SIPA1L1: variants seen among roughly 807,000 people sequenced by gnomAD.
SIPA1L1 encodes the protein signal induced proliferation associated 1 like 1.
SIPA1L1 carries 26 observed loss-of-function variants against 162.7 expected under a neutral mutation model. The ratio of observed to expected loss-of-function variants is 0.16; its 90% CI spans 0.12 to 0.22. The LOEUF is 0.22. SIPA1L1 is among the 10% of genes least tolerant of loss of function. SIPA1L1 has a pLI of 1.00. For missense variants in SIPA1L1, 1,874 were observed against 2,241.0 expected (o/e 0.84, Z 3.31); for synonymous variants, 829 against 837.4 (o/e 0.99, Z 0.17).
intron 2 of SIPA1L1, among the ~76,000 whole-genome samples, chr14:71,344,528 G>A (rs1053454307): frequency 7.9e-5 from 12 of 152,162 alleles, no homozygotes; most frequent in Non-Finnish European, 1.0e-4. Flanking sequence ...CAACTTTTCA[G>A]GTTTTTAAAA....
chr14:71,730,121 A>G lies in SIPA1L1; in HGVS notation c.4681A>G (p.Arg1561Gly), dbSNP rs748798305. The G allele has an allele frequency of 6.2e-7, 1 of 1,614,184 alleles. No homozygotes were observed. The highest frequency in any genetic ancestry group is 1.7e-5 in the Admixed American group (1 of 60,024). Residue 1561 changes from arginine to glycine, a missense_variant, in exon 20 of 24, where the codon AGA (arginine) becomes GGA (glycine). This residue lies in a region of SIPA1L1 where 936 missense variants were observed against 1,051.9 expected (regional missense o/e 0.89). Transcript: ENST00000381232. ...CCCCACCTCACGGCGGGCCTTGCACAGAACACTGTCGGACGAGAGCATTTA... is the reference window on the plus strand; with the variant it reads ...CCCCACCTCACGGCGGGCCTTGCACGGAACACTGTCGGACGAGAGCATTTA... ...STPTSRRALH[R>G]TLSDESIYNS...
intron 2 of SIPA1L1, among the ~76,000 whole-genome samples, chr14:71,479,602 C>G (rs1402322206): frequency 6.6e-6 from 1 of 151,802 alleles, no homozygotes; most frequent in African/African-American, 2.4e-5. Flanking sequence ...GAGACAAGGT[C>G]TCACTATATT....
intron 2 of SIPA1L1, among the ~76,000 whole-genome samples, chr14:71,456,083 A>G (rs531657493): frequency 2.0e-5 from 3 of 152,350 alleles, no homozygotes; most frequent in Admixed American, 1.3e-4. Context: ...TTAATTGGCA[A>G]TTTGGTCTAA....
chr14:71,447,978 C>A (rs930885455), intron 2 of SIPA1L1, among the ~76,000 whole-genome samples: 2 of 152,090 alleles, frequency 1.3e-5, no homozygotes, highest in African/African-American at 4.8e-5. Flanking sequence ...GTTTGTTGAG[C>A]CCCTCTGGTC....
At chr14:71,646,338 G>A (rs557743669) in intron 7 of SIPA1L1, among the ~76,000 whole-genome samples, 28 of 152,068 alleles carry the variant, frequency 1.8e-4, no homozygotes, top group Admixed American at 1.0e-3. Context: ...CACCACGCCC[G>A]GCTAATTTTT....
intron 4 of SIPA1L1, among the ~76,000 whole-genome samples, chr14:71,532,418 T>C (rs1305139650): frequency 1.3e-5 from 2 of 152,226 alleles, no homozygotes. Context: ...TGTGTAAATA[T>C]GGAAAGTGGT....
chr14:71,388,847 A>T (rs1036055404), intron 2 of SIPA1L1, among the ~76,000 whole-genome samples: 1 of 152,182 alleles, frequency 6.6e-6, no homozygotes, highest in Non-Finnish European at 1.5e-5. Flanking sequence ...CCAGGATTCA[A>T]ATTTTTCATT....
At chr14:71,422,131 T>G (rs2043230786) in intron 2 of SIPA1L1, among the ~76,000 whole-genome samples, 1 of 152,210 alleles carries the variant, frequency 6.6e-6, no homozygotes, top group African/African-American at 2.4e-5. Flanking sequence ...GGGAAAGAGA[T>G]ATGTGTGTTG....
intron 12 of SIPA1L1, among the ~76,000 whole-genome samples, chr14:71,677,138 G>T (rs2045292368): frequency 6.6e-6 from 1 of 152,200 alleles, no homozygotes; most frequent in African/African-American, 2.4e-5. Flanking sequence ...AGCAGCTGTT[G>T]TTTCCTCATT....
chr14:71,396,317 G>A (rs978660638), intron 2 of SIPA1L1, among the ~76,000 whole-genome samples: 17 of 152,160 alleles, frequency 1.1e-4, no homozygotes, highest in African/African-American at 3.9e-4. Context: ...GTGGGGAAGA[G>A]GGGAGTGTCT....
In SIPA1L1 at chr14:71,734,484, T is replaced by A. The variant is rs529220736; in HGVS notation, c.5008+672T>A. 2.0e-5 allele frequency among the ~76,000 whole-genome samples: 3 copies of A among 152,378 alleles called. No homozygotes were observed. The South Asian group carries it at 6.2e-4, about 32-fold the overall frequency. ...TTAAAGATCTTTCTAAAATTTTTAT[T>A]ATTCTTTACAAACTTATAGCAGGTG... On this transcript the variant is annotated intron_variant, in intron 21 of 23. Coordinates refer to ENST00000381232, the MANE Select transcript of SIPA1L1 (RefSeq NM_001386936.1).
chr14:71,669,279 G>T (rs1032774769), intron 10 of SIPA1L1, among the ~76,000 whole-genome samples: 25 of 152,142 alleles, frequency 1.6e-4, no homozygotes, highest in African/African-American at 5.8e-4. Flanking sequence ...GTGTATGTTT[G>T]TCTAAAGTTC....
At chr14:71,389,917 A>G (rs147200735) in intron 2 of SIPA1L1, among the ~76,000 whole-genome samples, 5 of 152,318 alleles carry the variant, frequency 3.3e-5, no homozygotes, top group East Asian at 1.9e-4. Flanking sequence ...CGCTGGTACT[A>G]GTTTCTGATT....
At chr14:71,544,009 A>ATATATACACATACGCACATGTATG (rs1567179681) in intron 4 of SIPA1L1, among the ~76,000 whole-genome samples, 90 of 147,742 alleles carry the variant, frequency 6.1e-4, no homozygotes, top group South Asian at 1.7e-3. Flanking sequence ...ACGCACATGT[A>ATATATACACATACGCACATGTATG]TATATACACA....
At chr14:71,430,818 G>A (rs2043933169) in intron 2 of SIPA1L1, among the ~76,000 whole-genome samples, 2 of 152,014 alleles carry the variant, frequency 1.3e-5, no homozygotes. Flanking sequence ...AAGTCACCTT[G>A]CCCTCCCTTT....
At chr14:71,577,730 CTTTTTTTTTTT>C (rs5809525) in intron 4 of SIPA1L1, among the ~76,000 whole-genome samples, 203 of 97,146 alleles carry the variant, frequency 2.1e-3, no homozygotes, top group Non-Finnish European at 3.1e-3. Flanking sequence ...TTGGGCATGC[CTTTTTTTTTTT>C]TTTTTTTTTT....
intron 2 of SIPA1L1, among the ~76,000 whole-genome samples, chr14:71,473,332 C>T (rs992977184): frequency 7.9e-5 from 12 of 152,084 alleles, no homozygotes; most frequent in Non-Finnish European, 1.5e-4. Flanking sequence ...TTTTAATCTT[C>T]ATAATCATTA....
intron 2 of SIPA1L1, among the ~76,000 whole-genome samples, chr14:71,439,369 A>T (rs1379654838): frequency 6.6e-6 from 1 of 152,118 alleles, no homozygotes; most frequent in South Asian, 2.1e-4. Flanking sequence ...TAGGTGGAGC[A>T]TTCTGTGTTT....
chr14:71,567,997 C>G (rs963890097), intron 4 of SIPA1L1, among the ~76,000 whole-genome samples: 14 of 152,176 alleles, frequency 9.2e-5, no homozygotes, highest in Admixed American at 9.2e-4. Context: ...TAGCGTATAA[C>G]GAGCAGTGAA....
Sources: allele counts gnomAD v4.1 joint callset (sites outside exome capture counted in the v4.1 genomes callset), GRCh38; gene constraint gnomAD v4.1.1; regional missense constraint gnomAD v4.1.1; transcripts MANE v1.5; gene names NCBI Gene and HGNC (gene_info 2026-07-23, HGNC 2026-07-21).